ALMS1: variants seen among roughly 807,000 people sequenced by gnomAD.
ALMS1 encodes the protein ALMS1 centrosome and basal body associated protein, also known as centrosome-associated protein ALMS1.
In ALMS1, 271 loss-of-function variants were observed where a neutral mutation model predicts 352.2. That is an observed-to-expected ratio of 0.77 (90% confidence interval 0.70 to 0.85). The LOEUF is 0.85. Among genes scored for constraint, ALMS1 ranks in the 40% least tolerant of loss-of-function variants. The pLI is 0.00. For synonymous variants in ALMS1, 1,865 were observed against 1,761.2 expected, an observed-to-expected ratio of 1.06 and a Z score of -1.48; for missense variants, 5,445 against 4,870.7, an observed-to-expected ratio of 1.12 and a Z score of -3.51.
At position 73,448,161 on chromosome 2, in the gene ALMS1, C is replaced by T. The variant is rs772068213; in HGVS notation, c.1634C>T (p.Thr545Ile). 62 of 1,613,902 alleles carry T rather than the reference C, an allele frequency of 3.8e-5. No individual in the cohort carries two copies. The highest frequency in any genetic ancestry group is 5.2e-5 in the Non-Finnish European group (61 of 1,179,926). ...CTCAACCAAAAGACATTAGCAGATA[C>T]TCATCTAACTGAAGAGACTCTGAAA... ...DTLNQKTLADTHLTEETLKVT... is the reference protein window; with the variant it reads ...DTLNQKTLADIHLTEETLKVT... Residue 545 changes from threonine to isoleucine, a missense_variant, in exon 8 of 23, where the codon ACT (threonine) becomes ATT (isoleucine). Transcript: ENST00000613296.
intron 9 of ALMS1, chr2:73,459,446 A>G (rs1558653965): frequency 6.6e-6 from 1 of 152,184 alleles, no homozygotes; most frequent in Non-Finnish European, 1.5e-5. Context: ...TGAATAATTT[A>G]TTAATAAAAT....
At chr2:73,460,609 C>A (rs560937629) in intron 9 of ALMS1, among the ~76,000 whole-genome samples, 2 of 152,142 alleles carry the variant, frequency 1.3e-5, no homozygotes, top group African/African-American at 4.8e-5. Flanking sequence ...GTGGGTGCAG[C>A]GCACCATTCA....
chr2:73,443,763 G>A (rs1399883995), intron 7 of ALMS1, among the ~76,000 whole-genome samples: 3 of 152,142 alleles, frequency 2.0e-5, no homozygotes, highest in Non-Finnish European at 4.4e-5. Context: ...TGGGGGAGGG[G>A]TAGAATAAGA....
At chr2:73,595,199 T>C (rs1210485646) in intron 16 of ALMS1, among the ~76,000 whole-genome samples, 2 of 152,118 alleles carry the variant, frequency 1.3e-5, no homozygotes, top group Non-Finnish European at 2.9e-5. Flanking sequence ...TACAATAAAA[T>C]TTCATCCATT....
At chr2:73,510,754 C>T (rs1314128682) in intron 10 of ALMS1, among the ~76,000 whole-genome samples, 1 of 152,208 alleles carries the variant, frequency 6.6e-6, no homozygotes, top group African/African-American at 2.4e-5. Flanking sequence ...CCTGGGAGAT[C>T]TGCTGCTCTA....
chr2:73,394,834 T>G (rs1670720955), intron 1 of ALMS1, among the ~76,000 whole-genome samples: 1 of 151,996 alleles, frequency 6.6e-6, no homozygotes, highest in African/African-American at 2.4e-5. Flanking sequence ...TCTAACTGTT[T>G]GCTCCTAGGC....
rs751926889 is a variant in ALMS1, at chr2:73,451,945, C to T, written c.5418C>T (p.Tyr1806=). 1.2e-6 allele frequency: 2 copies of T among 1,613,998 alleles called. No individual in the cohort carries two copies. The highest frequency in any genetic ancestry group is 1.1e-5 in the South Asian group (1 of 91,084). The change falls in exon 8 of 23, where the codon TAC becomes TAT. Residue 1806 remains tyrosine, a synonymous_variant. Transcript: ENST00000613296. ...TATCAACAGTAACCTCTACTTCCTA[C>T]TCACACAGAGAGAAGCCCATTGTTT... ...TGVSTVTSTS[Y]SHREKPIVSY...
intron 16 of ALMS1, among the ~76,000 whole-genome samples, chr2:73,586,283 C>T (rs760912108): frequency 6.6e-6 from 1 of 152,068 alleles, no homozygotes; most frequent in African/African-American, 2.4e-5. Flanking sequence ...TTTTTTGTTG[C>T]ATTTACTTTT....
At chr2:73,461,781 C>G (rs1672208625) in intron 9 of ALMS1, among the ~76,000 whole-genome samples, 3 of 152,200 alleles carry the variant, frequency 2.0e-5, no homozygotes, top group Admixed American at 1.3e-4. Context: ...GAGCTAAAAG[C>G]AAAGGCGCGA....
chr2:73,387,651 C>T (rs1253008464), intron 1 of ALMS1, among the ~76,000 whole-genome samples: 1 of 152,152 alleles, frequency 6.6e-6, no homozygotes, highest in East Asian at 1.9e-4. Context: ...GGGGCTTTAT[C>T]TCTGGAGCTT....
Position 73,415,993 on chromosome 2 carries a change from A to G in ALMS1, c.451-3130A>G, listed in dbSNP as rs534401703. ...ATTGCAGTAGAGGAACTAGAGAGTA[A>G]GTGATCTGTGGAGGTCAGAGGATGG... On this transcript the variant is annotated intron_variant, in intron 2 of 22. Transcript: ENST00000613296. 2.5e-4 allele frequency among the ~76,000 whole-genome samples: 38 copies of G among 152,302 alleles called. No homozygotes were observed. The South Asian group carries it at 6.4e-3, about 26-fold the overall frequency.
chr2:73,488,201 G>A (rs977284565), intron 9 of ALMS1, among the ~76,000 whole-genome samples: 3 of 152,116 alleles, frequency 2.0e-5, no homozygotes, highest in South Asian at 4.1e-4. Context: ...GTCAGGGGGC[G>A]CCTGCAGGCC....
chr2:73,518,897 T>C (rs1485451257), intron 10 of ALMS1, among the ~76,000 whole-genome samples: 2 of 152,222 alleles, frequency 1.3e-5, no homozygotes, highest in African/African-American at 4.8e-5. Context: ...TGATAATTTT[T>C]CTTTTGCTGT....
chr2:73,580,941 G>A (rs527625210), intron 16 of ALMS1, among the ~76,000 whole-genome samples: 2 of 152,248 alleles, frequency 1.3e-5, no homozygotes, highest in African/African-American at 4.8e-5. Context: ...TTCTGCATTC[G>A]GACACTCCTT....
At chr2:73,466,066 G>T (rs1179846251) in intron 9 of ALMS1, among the ~76,000 whole-genome samples, 6 of 152,218 alleles carry the variant, frequency 3.9e-5, no homozygotes, top group Non-Finnish European at 5.9e-5. Flanking sequence ...CACTGTGGAA[G>T]TCAGTGTGTC....
At position 73,603,327 on chromosome 2, in the gene ALMS1, A is replaced by T. The variant is rs116733486; in HGVS notation, c.12362+23A>T. On this transcript the variant is annotated intron_variant, in intron 21 of 22. Coordinates refer to ENST00000613296, the MANE Select transcript of ALMS1 (RefSeq NM_001378454.1). The stretch of plus-strand genomic sequence containing the variant: ...ACGGTAAGACCAAGAAAACAAGAGT[A>T]CGTATACAAGTGTAAACCAGGCCAC... 0.021 allele frequency: 33,822 copies of T among 1,607,510 alleles called. 2,324 individuals carry two copies. The highest frequency in any genetic ancestry group is 0.19 in the African/African-American group (14,123 of 73,480).
rs373213201 is a variant in ALMS1, at chr2:73,451,010, C to G, written c.4483C>G (p.Leu1495Val). The change falls in exon 8 of 23, where the codon CTA becomes GTA. Residue 1495 changes from leucine (L) to valine (V), a missense_variant. Leu to Val is a conservative substitution (Grantham distance 32). Coordinates refer to ENST00000613296, the MANE Select transcript of ALMS1 (RefSeq NM_001378454.1). Reference sequence around the variant, plus strand: ...CAAACAGGCCTTTCCAGAGGGTCATCTACCTGAAGAGTCTCTGAAAGTTTC... The same window carrying G: ...CAAACAGGCCTTTCCAGAGGGTCATGTACCTGAAGAGTCTCTGAAAGTTTC... Reference protein sequence around the residue: ...IYKQAFPEGHLPEESLKVSVA... With the variant: ...IYKQAFPEGHVPEESLKVSVA... The G allele has an allele frequency of 5.0e-6, 8 of 1,613,902 alleles. No homozygotes were observed. In the African/African-American group the frequency reaches 1.1e-4, roughly 22 times the overall value.
At chr2:73,602,411 G>A in intron 20 of ALMS1, 43 bp downstream of exon 20, 4 of 1,610,518 alleles carry the variant, frequency 2.5e-6, no homozygotes, top group Middle Eastern at 1.7e-4. Context: ...GAATAGAGAA[G>A]GCAAGGTCTG....
Position 73,609,844 on chromosome 2 carries a change from T to C in ALMS1, c.*232T>C, listed in dbSNP as rs937466935. 1.3e-5 allele frequency: 7 copies of C among 525,170 alleles called. No homozygotes were observed. Among genetic ancestry groups the C allele is most frequent in the African/African-American group, 9.6e-5 (5 of 52,244 alleles). The allele number at this position is 525,170 out of a possible 1,614,324, so 32.5% of individuals were successfully genotyped here. A position where few individuals can be genotyped will look rare whatever the true frequency, so the allele number is the denominator to read the frequency against. ...CAATGGCCTGTGTGTTACAATGATA[T>C]GATCATTTCTCAAGAATAAGTCCCT... On this transcript the variant is annotated 3_prime_UTR_variant, in exon 23 of 23. Transcript: ENST00000613296.
Sources: gnomAD v4.1 joint callset for allele counts (sites outside exome capture counted in the v4.1 genomes callset) on GRCh38, gnomAD v4.1.1 for gene constraint, MANE v1.5 for transcripts, NCBI Gene and HGNC (gene_info 2026-07-23, HGNC 2026-07-21) for gene names.